The following HNRNPC variants were observed in gnomAD, a reference collection of about 807,000 sequenced individuals.
HNRNPC encodes the protein heterogeneous nuclear ribonucleoprotein C, also known as heterogeneous nuclear ribonucleoproteins C1/C2.
Under a neutral mutation model 33.2 loss-of-function variants are expected in HNRNPC, and 3 were observed. The ratio of observed to expected loss-of-function variants is 0.09; its 90% CI spans 0.04 to 0.23. The LOEUF (loss-of-function observed/expected upper bound fraction) is 0.23. Ranked by LOEUF, HNRNPC falls within the 10% of genes least tolerant of loss-of-function variation. HNRNPC has a pLI of 1.00. For synonymous variants in HNRNPC, 121 were observed against 126.7 expected (o/e 0.96, Z 0.30); for missense variants, 143 against 366.7 (o/e 0.39, Z 4.98).
chr14:21,246,387 G>A (rs1016761988), intron 2 of HNRNPC, among the ~76,000 whole-genome samples: 4 of 151,882 alleles, frequency 2.6e-5, no homozygotes, highest in Admixed American at 6.6e-5. Context: ...GTGAAACTCC[G>A]TCTCTACTAA....
intron 2 of HNRNPC, among the ~76,000 whole-genome samples, chr14:21,260,143 T>A (rs1466468335): frequency 7.3e-6 from 1 of 137,090 alleles, no homozygotes; most frequent in African/African-American, 2.9e-5. Context: ...GAGCTTGCAG[T>A]GAGCCGAGAT....
chr14:21,231,050 T>C lies in HNRNPC; in HGVS notation c.264A>G (p.Pro88=), dbSNP rs1312777299. 2 of 1,614,108 alleles carry C rather than the reference T, an allele frequency of 1.2e-6. No homozygotes were observed. Among genetic ancestry groups the C allele is most frequent in the Middle Eastern group, 1.6e-4 (1 of 6,084 alleles). ...CACCTGCTTTTCCTCGGTTCACTTTTGGCTCTGCAGCCAGGTTAATATCTG... is the reference window on the plus strand; with the variant it reads ...CACCTGCTTTTCCTCGGTTCACTTTCGGCTCTGCAGCCAGGTTAATATCTG... ...QVLDINLAAE[P]KVNRGKAGVK... Residue 88 remains proline, a synonymous_variant, in exon 4 of 9, where the codon CCA becomes CCG. Transcript: ENST00000553300.
At chr14:21,261,364 A>C (rs1240692325) in intron 2 of HNRNPC, among the ~76,000 whole-genome samples, 1 of 152,196 alleles carries the variant, frequency 6.6e-6, no homozygotes, top group Non-Finnish European at 1.5e-5. Flanking sequence ...AGCAGCAAAG[A>C]AGAAAAAATA....
At chr14:21,259,338 T>C (rs1877777774) in intron 2 of HNRNPC, among the ~76,000 whole-genome samples, 1 of 152,176 alleles carries the variant, frequency 6.6e-6, no homozygotes, top group African/African-American at 2.4e-5. Flanking sequence ...CATCGATCCT[T>C]ACTGTGAAAA....
rs182211918 is a variant in HNRNPC, at chr14:21,266,991, C to T, written c.-63+2307G>A. Among the ~76,000 whole-genome samples, 78 of 148,290 alleles carry T rather than the reference C, an allele frequency of 5.3e-4. No homozygotes were observed. The East Asian group carries it at 0.012, about 23-fold the overall frequency. On this transcript the variant is annotated intron_variant, in intron 1 of 8. Transcript: ENST00000553300. ...CTGTAATCCCAGCTACTCGGGAAGC[C>T]GAGGCAGGAGAATCGCTTGAACCCG...
intron 2 of HNRNPC, among the ~76,000 whole-genome samples, chr14:21,247,174 G>A (rs1215295938): frequency 1.3e-5 from 2 of 152,124 alleles, no homozygotes; most frequent in African/African-American, 4.8e-5. Context: ...TAACCTCTAT[G>A]TTTTGACAAC....
At chr14:21,226,999 G>A (rs985972407) in intron 5 of HNRNPC, among the ~76,000 whole-genome samples, 1 of 151,088 alleles carries the variant, frequency 6.6e-6, no homozygotes, top group Non-Finnish European at 1.5e-5. Context: ...ATTTAACATA[G>A]TCAATGAAGT....
chr14:21,230,571 A>G, intron 4 of HNRNPC: 1 of 550,528 alleles, frequency 1.8e-6, no homozygotes, highest in Non-Finnish European at 3.3e-6. Context: ...TTGGAAATTC[A>G]GGTTAAAATT....
At chr14:21,229,924 T>C (rs965949391) in intron 5 of HNRNPC, among the ~76,000 whole-genome samples, 1 of 152,226 alleles carries the variant, frequency 6.6e-6, no homozygotes, top group African/African-American at 2.4e-5. Context: ...ATTTCCTTCA[T>C]GTTAACTGAG....
intron 2 of HNRNPC, among the ~76,000 whole-genome samples, chr14:21,244,410 A>T (rs1010538746): frequency 6.6e-6 from 1 of 152,260 alleles, no homozygotes; most frequent in Admixed American, 6.5e-5. Flanking sequence ...TCGATGTAAA[A>T]AACTAATTCA....
At chr14:21,242,888 T>A (rs1415562388) in intron 2 of HNRNPC, among the ~76,000 whole-genome samples, 2 of 152,064 alleles carry the variant, frequency 1.3e-5, no homozygotes, top group Non-Finnish European at 2.9e-5. Context: ...CCTCAAAAAA[T>A]AAAAACTAGG....
intron 2 of HNRNPC, among the ~76,000 whole-genome samples, chr14:21,246,615 T>TC (rs1391991425): frequency 6.6e-6 from 1 of 151,984 alleles, no homozygotes; most frequent in Non-Finnish European, 1.5e-5. Context: ...TCTGCCAATT[T>TC]CCCTTTAACA....
Position 21,265,446 on chromosome 14 carries a change from TG to T in HNRNPC, c.-62-2111del, listed in dbSNP as rs557535325. 2.4e-3 allele frequency: 372 copies of T among 152,320 alleles called. 3 individuals are homozygous for T. Among genetic ancestry groups the T allele is most frequent in the African/African-American group, 8.6e-3 (357 of 41,558 alleles). 9.4% of individuals were successfully genotyped at this position (152,320 alleles called of 1,614,324 possible). On this transcript the variant is annotated intron_variant, in intron 1 of 8. Coordinates refer to ENST00000553300, the MANE Select transcript of HNRNPC (RefSeq NM_004500.4). ...TCAAAAAGCTCAGTATCTCCCAAGATGTTATTTATGTTAAACTGAAGAGCTA... is the reference window on the plus strand; with the variant it reads ...TCAAAAAGCTCAGTATCTCCCAAGATTTATTTATGTTAAACTGAAGAGCTA...
chr14:21,265,920 C>G (rs1163382793), intron 1 of HNRNPC, among the ~76,000 whole-genome samples: 1 of 152,216 alleles, frequency 6.6e-6, no homozygotes, highest in Non-Finnish European at 1.5e-5. Context: ...TGAGCATCAT[C>G]ACCTGGAACT....
chr14:21,258,360 C>A (rs1334577744), intron 2 of HNRNPC, among the ~76,000 whole-genome samples: 1 of 151,282 alleles, frequency 6.6e-6, no homozygotes, highest in East Asian at 1.9e-4. Context: ...CACTGCACTC[C>A]AGCCTGGTGA....
chr14:21,261,276 C>A (rs970946608), intron 2 of HNRNPC, among the ~76,000 whole-genome samples: 9 of 152,026 alleles, frequency 5.9e-5, no homozygotes, highest in African/African-American at 2.2e-4. Context: ...CAACATGTCC[C>A]ATAAAAATAA....
At chr14:21,248,028 A>T (rs1896196031) in intron 2 of HNRNPC, among the ~76,000 whole-genome samples, 1 of 151,982 alleles carries the variant, frequency 6.6e-6, no homozygotes, top group South Asian at 2.1e-4. Flanking sequence ...CACAAATTCA[A>T]GCCATGTCCA....
intron 2 of HNRNPC, among the ~76,000 whole-genome samples, chr14:21,251,848 A>G (rs1431219612): frequency 6.6e-6 from 1 of 152,198 alleles, no homozygotes; most frequent in African/African-American, 2.4e-5. Flanking sequence ...ATCTCACATC[A>G]GTTAAGATCA....
At chr14:21,236,249 T>C (rs1012414825) in intron 2 of HNRNPC, 1 of 152,210 alleles carries the variant, frequency 6.6e-6, no homozygotes, top group Non-Finnish European at 1.5e-5. Context: ...AAGGATATGA[T>C]TTCTCATTTT....
Sources: allele counts gnomAD v4.1 joint callset (sites outside exome capture counted in the v4.1 genomes callset), GRCh38; gene constraint gnomAD v4.1.1; transcripts MANE v1.5; gene names NCBI Gene and HGNC (gene_info 2026-07-23, HGNC 2026-07-21).